The following ITSN1 variants were observed in gnomAD, a reference collection of about 807,000 sequenced individuals.
ITSN1 encodes the protein intersectin 1.
Under a neutral mutation model 239.8 loss-of-function variants are expected in ITSN1, and 58 were observed. The observed-to-expected ratio is 0.24, with a 90% confidence interval of 0.20 to 0.30. ITSN1 has a LOEUF of 0.30. ITSN1 is among the 10% of genes least tolerant of loss of function. ITSN1 has a pLI of 1.00. For missense variants in ITSN1, 1,558 were observed against 2,103.3 expected (o/e 0.74, Z 5.07); for synonymous variants, 780 against 770.8 (o/e 1.01, Z -0.20).
intron 29 of ITSN1, chr21:33,836,931 T>C: frequency 6.7e-7 from 1 of 1,484,192 alleles, no homozygotes; most frequent in Non-Finnish European, 9.4e-7. Context: ...TTTTCCTAGC[T>C]TGAATTTTGC....
chr21:33,824,970 G>A (rs914345676), intron 25 of ITSN1, among the ~76,000 whole-genome samples: 2 of 152,114 alleles, frequency 1.3e-5, no homozygotes, highest in Non-Finnish European at 2.9e-5. Context: ...TCTTCTCCAG[G>A]CCAGCAAGTC....
chr21:33,793,453 A>G (rs1219607360), intron 16 of ITSN1, among the ~76,000 whole-genome samples: 1 of 152,224 alleles, frequency 6.6e-6, no homozygotes, highest in African/African-American at 2.4e-5. Flanking sequence ...GGCCCACATA[A>G]GACGAGTTTC....
intron 8 of ITSN1, among the ~76,000 whole-genome samples, chr21:33,759,617 T>C (rs1172454956): frequency 6.6e-6 from 1 of 152,206 alleles, no homozygotes; most frequent in African/African-American, 2.4e-5. Context: ...CATTCCATTG[T>C]ACCACAGTCC....
chr21:33,834,428 A>G lies in ITSN1; in HGVS notation c.3469+4A>G. 1 of 1,598,286 alleles carries G rather than the reference A, an allele frequency of 6.3e-7. No individual in the cohort carries two copies. Among genetic ancestry groups the G allele is most frequent in the Non-Finnish European group, 8.6e-7 (1 of 1,168,072 alleles). On this transcript the variant is annotated splice_donor_region_variant and intron_variant, in intron 28 of 39. Transcript: ENST00000381318. ...AAGTCAACAGCATTAGCGGCAGGTA[A>G]GGAGTTTCGCATCTCTAACTGGAAG...
At chr21:33,769,665 C>G (rs990031050) in intron 11 of ITSN1, among the ~76,000 whole-genome samples, 2 of 151,636 alleles carry the variant, frequency 1.3e-5, no homozygotes, top group Non-Finnish European at 2.9e-5. Context: ...AGACAGATCT[C>G]TCCTCTCTCT....
At chr21:33,816,322 C>T (rs996197072) in intron 22 of ITSN1, among the ~76,000 whole-genome samples, 1 of 152,172 alleles carries the variant, frequency 6.6e-6, no homozygotes, top group Non-Finnish European at 1.5e-5. Flanking sequence ...ATATAGCTCA[C>T]CACTGTTATT....
chr21:33,811,232 G>T lies in ITSN1; in HGVS notation c.2567+10G>T, dbSNP rs776899849. ...CCGACTTCAGCTCCACGTACGTGTT[G>T]GTGGGCTCTTTCTGATGATTTTTGA... On this transcript the variant is annotated intron_variant, in intron 21 of 39. Coordinates refer to ENST00000381318, the MANE Select transcript of ITSN1 (RefSeq NM_003024.3). 6.4e-7 allele frequency: 1 copy of T among 1,555,088 alleles called. No individual in the cohort carries two copies. Among genetic ancestry groups the T allele is most frequent in the Admixed American group, 2.0e-5 (1 of 48,808 alleles).
intron 1 of ITSN1, among the ~76,000 whole-genome samples, chr21:33,702,914 C>A (rs923736835): frequency 2.0e-5 from 3 of 152,110 alleles, no homozygotes; most frequent in African/African-American, 7.2e-5. Context: ...CCTGTCTCTA[C>A]CAAAGTACAA....
intron 1 of ITSN1, among the ~76,000 whole-genome samples, chr21:33,710,813 T>G (rs934063988): frequency 7.3e-5 from 11 of 150,982 alleles, no homozygotes; most frequent in Non-Finnish European, 1.5e-4. Context: ...TTGTTTTTTT[T>G]TTTTTTCTTT....
chr21:33,850,576 A>G (rs1055821476), intron 29 of ITSN1, among the ~76,000 whole-genome samples: 2 of 152,220 alleles, frequency 1.3e-5, no homozygotes, highest in African/African-American at 4.8e-5. Context: ...GCAGGCTCCC[A>G]AAGGACAAGG....
intron 1 of ITSN1, among the ~76,000 whole-genome samples, chr21:33,699,918 C>G (rs531623373): frequency 1.3e-5 from 2 of 151,706 alleles, no homozygotes; most frequent in Non-Finnish European, 2.9e-5. Flanking sequence ...ATGTACCACA[C>G]ACCCAATTTT....
At chr21:33,828,537 C>T (rs1235567177) in intron 26 of ITSN1, among the ~76,000 whole-genome samples, 1 of 152,216 alleles carries the variant, frequency 6.6e-6, no homozygotes, top group Non-Finnish European at 1.5e-5. Context: ...CTTACTTGTT[C>T]CCTGGAGTGA....
At chr21:33,721,094 G>C in intron 2 of ITSN1, 84 bp from the exon 3 acceptor site, 1 of 838,286 alleles carries the variant, frequency 1.2e-6, no homozygotes, top group Non-Finnish European at 2.1e-6. Flanking sequence ...ACAGAATCTT[G>C]AAGTGCTGTG....
At chr21:33,813,063 C>T (rs1010815972) in intron 21 of ITSN1, among the ~76,000 whole-genome samples, 1 of 152,066 alleles carries the variant, frequency 6.6e-6, no homozygotes, top group Non-Finnish European at 1.5e-5. Context: ...TTTGCAGTTA[C>T]AGAGTATTTC....
chr21:33,740,087 T>C (rs1021597893), intron 5 of ITSN1, among the ~76,000 whole-genome samples: 40 of 152,168 alleles, frequency 2.6e-4, no homozygotes, highest in Non-Finnish European at 2.9e-4. Flanking sequence ...GCTTTTCACA[T>C]GAATAACTAG....
chr21:33,659,746 T>C (rs2089405438), intron 1 of ITSN1, among the ~76,000 whole-genome samples: 1 of 137,986 alleles, frequency 7.2e-6, no homozygotes. Flanking sequence ...AAAATCTTGC[T>C]GTGTCACCCA....
intron 20 of ITSN1, among the ~76,000 whole-genome samples, chr21:33,805,711 G>T (rs992551813): frequency 5.3e-5 from 8 of 151,590 alleles, no homozygotes; most frequent in Non-Finnish European, 1.2e-4. Context: ...TCTCTCTGTC[G>T]CCCAGGCTGG....
intron 16 of ITSN1, among the ~76,000 whole-genome samples, chr21:33,791,508 A>G (rs779178269): frequency 1.3e-5 from 2 of 152,252 alleles, no homozygotes; most frequent in Non-Finnish European, 2.9e-5. Context: ...TTTAAAAATT[A>G]TTTTTGAAAC....
chr21:33,881,841 G>C (rs937348751), intron 34 of ITSN1, among the ~76,000 whole-genome samples: 3 of 151,808 alleles, frequency 2.0e-5, no homozygotes, highest in South Asian at 2.1e-4. Context: ...ACATGTGTTG[G>C]GGGGCTGAGA....
Sources: gnomAD v4.1 joint callset for allele counts (sites outside exome capture counted in the v4.1 genomes callset) on GRCh38, gnomAD v4.1.1 for gene constraint, MANE v1.5 for transcripts, NCBI Gene and HGNC (gene_info 2026-07-23, HGNC 2026-07-21) for gene names.